CDKL3: variants seen among roughly 807,000 people sequenced by gnomAD.
CDKL3 encodes the protein cyclin-dependent kinase-like 3.
In CDKL3, 65 loss-of-function variants were observed where a neutral mutation model predicts 69.3. That is an observed-to-expected ratio of 0.94 (90% CI 0.77 to 1.15). CDKL3 has a LOEUF of 1.15. CDKL3 is among the 50% of genes most tolerant of loss of function. The pLI, the probability that CDKL3 is intolerant of heterozygous loss-of-function variation, is 0.00. For missense variants in CDKL3, 652 were observed against 689.2 expected, an observed-to-expected ratio of 0.95 and a Z score of 0.61; for synonymous variants, 202 against 221.6, an observed-to-expected ratio of 0.91 and a Z score of 0.79.
rs1765531893 is a variant in CDKL3, at chr5:134,298,548, G to C, written c.*103C>G. 1 of 1,490,370 alleles carries C rather than the reference G, an allele frequency of 6.7e-7. No homozygotes were observed. Among genetic ancestry groups the C allele is most frequent in the African/African-American group, 1.4e-5 (1 of 70,940 alleles). 92.3% of individuals were successfully genotyped at this position (1,490,370 alleles called of 1,614,324 possible). On this transcript the variant is annotated 3_prime_UTR_variant, in exon 13 of 13. Transcript: ENST00000265334. ...AAGCTGGATGATGCTCATGCACATG[G>C]ATGGCTGTCTTAACAACAACTCACA...
chr5:134,303,780 T>C (rs528459131), intron 11 of CDKL3, among the ~76,000 whole-genome samples: 3 of 151,224 alleles, frequency 2.0e-5, no homozygotes, highest in East Asian at 3.9e-4. Context: ...ACCTGGGAGG[T>C]GGTGGTTGCA....
intron 5 of CDKL3, among the ~76,000 whole-genome samples, chr5:134,320,807 G>T (rs1772528079): frequency 6.6e-6 from 1 of 150,728 alleles, no homozygotes; most frequent in South Asian, 2.1e-4. Flanking sequence ...CCAGGAGGCA[G>T]AGCTTGCAGT....
At chr5:134,299,684 G>A (rs957501539) in intron 12 of CDKL3, 15 of 1,532,110 alleles carry the variant, frequency 9.8e-6, no homozygotes, top group Non-Finnish European at 1.3e-5. Flanking sequence ...TGAATTTTCA[G>A]CTGCTGCATT....
At chr5:134,304,895 C>A (rs764919091) in intron 10 of CDKL3, among the ~76,000 whole-genome samples, 13 of 150,520 alleles carry the variant, frequency 8.6e-5, no homozygotes, top group Non-Finnish European at 1.6e-4. Context: ...GCAGCGTCAA[C>A]CCCCTGGGCT....
intron 7 of CDKL3, among the ~76,000 whole-genome samples, chr5:134,311,177 AG>A (rs1347823515): frequency 2.0e-5 from 3 of 152,252 alleles, no homozygotes; most frequent in African/African-American, 7.2e-5. Context: ...ACCTGTCTTC[AG>A]GGAACTTCCA....
At chr5:134,325,790 G>A (rs1774000667) in intron 4 of CDKL3, among the ~76,000 whole-genome samples, 1 of 151,852 alleles carries the variant, frequency 6.6e-6, no homozygotes, top group Non-Finnish European at 1.5e-5. Context: ...TTGAGATGGA[G>A]TCTCGCTCTG....
At chr5:134,353,170 A>G (rs566664004) in intron 3 of CDKL3, among the ~76,000 whole-genome samples, 2 of 152,322 alleles carry the variant, frequency 1.3e-5, no homozygotes, top group African/African-American at 4.8e-5. Flanking sequence ...CGTCTAACAG[A>G]TATTTCTCCT....
At chr5:134,352,856 T>C (rs1753667257) in intron 3 of CDKL3, among the ~76,000 whole-genome samples, 1 of 152,202 alleles carries the variant, frequency 6.6e-6, no homozygotes, top group South Asian at 2.1e-4. Flanking sequence ...TTTGCAAGCA[T>C]TTTCTCTAAT....
intron 2 of CDKL3, among the ~76,000 whole-genome samples, chr5:134,360,757 GTT>G (rs1211481185): frequency 3.3e-5 from 5 of 152,068 alleles, no homozygotes; most frequent in African/African-American, 1.2e-4. Flanking sequence ...AGGCCCTTAT[GTT>G]TTCAAATGAG....
chr5:134,342,969 C>G (rs1267806577), intron 4 of CDKL3, among the ~76,000 whole-genome samples: 1 of 152,168 alleles, frequency 6.6e-6, no homozygotes, highest in East Asian at 1.9e-4. Flanking sequence ...CTTTGGGAGT[C>G]CAAGGCAGGC....
chr5:134,308,814 T>C (rs566073201), intron 7 of CDKL3, 87 bp from the exon 8 acceptor site: 71 of 1,135,872 alleles, frequency 6.3e-5, no homozygotes, highest in Non-Finnish European at 7.9e-5. Context: ...CATCAATTAA[T>C]GTACATTTCA....
Position 134,315,627 on chromosome 5 carries a change from C to T in CDKL3, c.793-3247G>A, listed in dbSNP as rs1266380282. Among the ~76,000 whole-genome samples the T allele has an allele frequency of 3.9e-5, 6 of 152,134 alleles. No homozygotes were observed. The East Asian group carries it at 1.2e-3, about 29-fold the overall frequency. On this transcript the variant is annotated intron_variant, in intron 6 of 12. Coordinates refer to ENST00000265334, the MANE Select transcript of CDKL3 (RefSeq NM_001113575.2). ...GGGATTACATGCATAAGCCACCACG[C>T]CTGGCCTAAGGATTCTTTAAAAAAA...
At chr5:134,356,613 G>A (rs575071987) in intron 3 of CDKL3, among the ~76,000 whole-genome samples, 445 of 152,074 alleles carry the variant, frequency 2.9e-3, no homozygotes, top group African/African-American at 0.01. Flanking sequence ...GTGAAACCCC[G>A]ACTCTACTAA....
At chr5:134,305,090 G>A (rs1328887961) in intron 10 of CDKL3, among the ~76,000 whole-genome samples, 2 of 151,450 alleles carry the variant, frequency 1.3e-5, no homozygotes, top group African/African-American at 4.9e-5. Flanking sequence ...TTACAAACAT[G>A]AGCCACTGCA....
chr5:134,290,247 G>A (rs1203236139), intron 8 of CDKL3, among the ~76,000 whole-genome samples: 5 of 151,636 alleles, frequency 3.3e-5, no homozygotes, highest in South Asian at 4.2e-4. Context: ...CCAGGTACTC[G>A]GGAGACTGAG....
intron 4 of CDKL3, among the ~76,000 whole-genome samples, chr5:134,322,536 A>G (rs1260770207): frequency 6.6e-6 from 1 of 152,190 alleles, no homozygotes; most frequent in African/African-American, 2.4e-5. Context: ...ATATACTCAC[A>G]TGTGTGCACA....
intron 4 of CDKL3, among the ~76,000 whole-genome samples, chr5:134,346,725 A>C (rs1050584688): frequency 6.6e-6 from 1 of 151,958 alleles, no homozygotes; most frequent in African/African-American, 2.4e-5. Context: ...TGAACTGCTG[A>C]CCTCAGGTGA....
chr5:134,337,016 C>G (rs1777283692), intron 4 of CDKL3, among the ~76,000 whole-genome samples: 1 of 152,182 alleles, frequency 6.6e-6, no homozygotes, highest in African/African-American at 2.4e-5. Context: ...GCTTTGTTTA[C>G]ACTGTGAGCA....
At chr5:134,311,996 A>C (rs1329519040) in intron 7 of CDKL3, among the ~76,000 whole-genome samples, 1 of 151,896 alleles carries the variant, frequency 6.6e-6, no homozygotes, top group Non-Finnish European at 1.5e-5. Flanking sequence ...GGGTCTCTCT[A>C]TGTTGCCCAG....
Sources: allele counts gnomAD v4.1 joint callset (sites outside exome capture counted in the v4.1 genomes callset), GRCh38; gene constraint gnomAD v4.1.1; transcripts MANE v1.5; gene names NCBI Gene and HGNC (gene_info 2026-07-23, HGNC 2026-07-21).